Variants in ARHGAP32 observed in about 807,000 individuals in gnomAD.
ARHGAP32 encodes Rho GTPase activating protein 32, also known as rho GTPase-activating protein 32.
A neutral mutation model predicts 186.5 loss-of-function variants in ARHGAP32; 51 were observed. The observed-to-expected ratio is 0.27, with a 90% CI of 0.22 to 0.35. ARHGAP32 has a LOEUF of 0.35. Among genes scored for constraint, ARHGAP32 ranks in the 10% least tolerant of loss-of-function variants. The probability of loss-of-function intolerance (pLI) is 1.00; values close to 1 mark genes in which losing one functional copy is unlikely to be tolerated. For synonymous variants in ARHGAP32, 950 were observed against 964.3 expected (o/e 0.99, Z 0.27); for missense variants, 2,186 against 2,623.5 (o/e 0.83, Z 3.64).
chr11:129,093,852 C>T, intron 5 of ARHGAP32, 145 bp from the exon 6 acceptor site: 1 of 631,546 alleles, frequency 1.6e-6, no homozygotes, highest in Middle Eastern at 2.6e-4. Flanking sequence ...AACTTCATTG[C>T]TTAAGGCAGA....
chr11:129,111,452 T>C (rs1942211017), intron 5 of ARHGAP32, among the ~76,000 whole-genome samples: 1 of 152,216 alleles, frequency 6.6e-6, no homozygotes, highest in South Asian at 2.1e-4. Flanking sequence ...CTTCAATTCT[T>C]TGAAATAGTT....
intron 6 of ARHGAP32, 74 bp downstream of exon 6, chr11:129,093,547 T>A (rs1244743607): frequency 1.4e-5 from 14 of 1,033,260 alleles, no homozygotes; most frequent in Non-Finnish European, 1.9e-5. Context: ...AATCACGTTA[T>A]AGAAATAAAT....
intron 1 of ARHGAP32, among the ~76,000 whole-genome samples, chr11:129,216,021 C>A (rs1185336093): frequency 6.6e-6 from 1 of 152,094 alleles, no homozygotes; most frequent in African/African-American, 2.4e-5. Flanking sequence ...ATTGGAACGA[C>A]AGGAATGTCA....
At chr11:129,086,675 G>T (rs1000190550) in intron 6 of ARHGAP32, among the ~76,000 whole-genome samples, 1 of 152,040 alleles carries the variant, frequency 6.6e-6, no homozygotes, top group Non-Finnish European at 1.5e-5. Flanking sequence ...CAAAAAATTA[G>T]CCGGGCGTGG....
In ARHGAP32 at chr11:128,970,674, G is replaced by C. The variant is rs1945341243; in HGVS notation, c.4539C>G (p.Asn1513Lys). 5 of 1,614,084 alleles carry C rather than the reference G, an allele frequency of 3.1e-6. No homozygotes were observed. Among genetic ancestry groups the C allele is most frequent in the Non-Finnish European group, 4.2e-6 (5 of 1,180,044 alleles). ...GTACACTCTGGGGACGGTACTGGCA[G>C]TTTGGAGTCATATTGAAATGCAAAC... ...DNCLHFNMTP[N>K]CQYRPQSVPP... Residue 1513 changes from asparagine to lysine, a missense_variant, in exon 23 of 23, where the codon AAC becomes AAG. This residue lies in a region of ARHGAP32 where 1,502 missense variants were observed against 1,570.0 expected (regional missense o/e 0.96). Transcript: ENST00000682385. This position sits in a 1 kb window ranked among gnomAD's most constrained non-coding sequence, Gnocchi z 5.8.
At chr11:129,018,363 A>T (rs567111084) in intron 11 of ARHGAP32, among the ~76,000 whole-genome samples, 1 of 152,216 alleles carries the variant, frequency 6.6e-6, no homozygotes, top group Non-Finnish European at 1.5e-5. Context: ...GAATGGAAAA[A>T]CAACAATAGG....
chr11:129,149,108 G>A (rs1265759073), intron 2 of ARHGAP32, among the ~76,000 whole-genome samples: 1 of 152,154 alleles, frequency 6.6e-6, no homozygotes, highest in Non-Finnish European at 1.5e-5. Flanking sequence ...GCCAATGCAG[G>A]GCAAGCACAG....
chr11:129,176,960 G>C lies in ARHGAP32; in HGVS notation c.117-12533C>G, dbSNP rs923116269. Among the ~76,000 whole-genome samples, 459 of 151,482 alleles carry C rather than the reference G, an allele frequency of 3.0e-3. 4 individuals are homozygous for C. Among genetic ancestry groups the C allele is most frequent in the African/African-American group, 0.011 (446 of 41,308 alleles). On this transcript the variant is annotated intron_variant, in intron 1 of 22. Transcript: ENST00000682385. ...TCAGAGCAGAACTGAAGGAAATAGA[G>C]ACACAAAAAACCCTTCAAAAAATTA...
intron 8 of ARHGAP32, among the ~76,000 whole-genome samples, chr11:129,064,239 A>T (rs1940612686): frequency 6.6e-6 from 1 of 152,110 alleles, no homozygotes; most frequent in Admixed American, 6.6e-5. Flanking sequence ...ACTCCAAAAA[A>T]AAATACTTAT....
intron 22 of ARHGAP32, chr11:128,972,240 T>C (rs917291524): frequency 1.0e-5 from 4 of 384,558 alleles, no homozygotes; most frequent in Non-Finnish European, 1.8e-5. Context: ...AGTTAAGCTA[T>C]AGTCATCTAG....
chr11:129,203,732 A>AG (rs1294308440), intron 1 of ARHGAP32, among the ~76,000 whole-genome samples: 17 of 149,032 alleles, frequency 1.1e-4, no homozygotes, highest in Middle Eastern at 3.5e-3. Context: ...AAAAAAAAAA[A>AG]AAAGAAAGAA....
chr11:129,100,652 C>A (rs1404760355), intron 5 of ARHGAP32, among the ~76,000 whole-genome samples: 1 of 152,100 alleles, frequency 6.6e-6, no homozygotes, highest in African/African-American at 2.4e-5. Context: ...GCCAGCCAAC[C>A]CCAACCCTGC....
At chr11:129,230,327 T>G (rs1944841015) in intron 1 of ARHGAP32, among the ~76,000 whole-genome samples, 1 of 152,194 alleles carries the variant, frequency 6.6e-6, no homozygotes, top group East Asian at 1.9e-4. Context: ...CATCCATGTC[T>G]TTGAGGAAAT....
chr11:129,042,604 G>A (rs932438109), intron 10 of ARHGAP32, among the ~76,000 whole-genome samples: 4 of 152,056 alleles, frequency 2.6e-5, no homozygotes, highest in African/African-American at 9.7e-5. Flanking sequence ...GGTTAACAGC[G>A]TAGCCTCAAG....
chr11:129,145,321 A>T (rs2135438163), intron 2 of ARHGAP32, among the ~76,000 whole-genome samples: 1 of 120,408 alleles, frequency 8.3e-6, no homozygotes, highest in East Asian at 2.3e-4. Context: ...ATTTAAAGAT[A>T]TATTATAAAT....
chr11:129,140,206 A>T (rs1256275472), intron 2 of ARHGAP32, among the ~76,000 whole-genome samples: 2 of 152,034 alleles, frequency 1.3e-5, no homozygotes, highest in Non-Finnish European at 2.9e-5. Context: ...TTATGCCACC[A>T]CACCTCCCAC....
At chr11:129,196,649 T>A (rs1944395383), upstream of ARHGAP32, among the ~76,000 whole-genome samples, 1 of 152,146 alleles carries the variant, frequency 6.6e-6, no homozygotes, top group Non-Finnish European at 1.5e-5. Context: ...ACATAACGAA[T>A]TATATAATTC....
intron 11 of ARHGAP32, among the ~76,000 whole-genome samples, chr11:129,014,105 A>C (rs879593709): frequency 6.6e-6 from 1 of 152,198 alleles, no homozygotes; most frequent in Non-Finnish European, 1.5e-5. Context: ...CAAATTTCCT[A>C]CTTCAGAGCT....
At chr11:129,207,103 C>T (rs1344618077) in intron 1 of ARHGAP32, among the ~76,000 whole-genome samples, 1 of 152,146 alleles carries the variant, frequency 6.6e-6, no homozygotes, top group Non-Finnish European at 1.5e-5. Context: ...TTTATGGCTG[C>T]ATAGTATTCC....
Sources: gnomAD v4.1 joint callset for allele counts (sites outside exome capture counted in the v4.1 genomes callset) on GRCh38, gnomAD v4.1.1 for gene constraint, gnomAD v4.1.1 regional missense constraint, Gnocchi (gnomAD v3.1) non-coding constraint, MANE v1.5 for transcripts, NCBI Gene and HGNC (gene_info 2026-07-23, HGNC 2026-07-21) for gene names.